TAF2: variants seen among roughly 807,000 people sequenced by gnomAD.
TAF2 encodes the protein transcription initiation factor TFIID subunit 2.
In TAF2, 61 loss-of-function variants were observed where a neutral mutation model predicts 138.5. The ratio of observed to expected loss-of-function variants is 0.44; its 90% CI spans 0.36 to 0.54. TAF2 has a LOEUF of 0.54. Ranked by LOEUF, TAF2 falls within the 20% of genes least tolerant of loss-of-function variation. TAF2 has a pLI of 0.00. For missense variants in TAF2, 1,090 were observed against 1,427.9 expected (o/e 0.76, Z 3.81); for synonymous variants, 475 against 469.9 (o/e 1.01, Z -0.14).
At position 119,810,637 on chromosome 8, in the gene TAF2, C is replaced by T. The variant is rs1013479980; in HGVS notation, c.300-4236G>A. On this transcript the variant is annotated intron_variant, in intron 3 of 25. Coordinates refer to ENST00000378164, the MANE Select transcript of TAF2 (RefSeq NM_003184.4). ...CTGAAAGTGCCAGTTGCTCCAAATC[C>T]TTGTCAGCACTTACTTAACACACCA... 5.9e-5 allele frequency among the ~76,000 whole-genome samples: 9 copies of T among 152,276 alleles called. No homozygotes were observed. The East Asian group carries it at 1.2e-3, about 20-fold the overall frequency.
chr8:119,808,083 G>A (rs1292507603), intron 3 of TAF2, among the ~76,000 whole-genome samples: 1 of 152,132 alleles, frequency 6.6e-6, no homozygotes, highest in Admixed American at 6.5e-5. Context: ...CTCTCTACCA[G>A]TTAGGAAGGA....
At chr8:119,744,485 CATAGG>C in intron 23 of TAF2, 92 bp from the exon 24 acceptor site, 2 of 995,676 alleles carry the variant, frequency 2.0e-6, no homozygotes, top group Non-Finnish European at 3.2e-6. Context: ...GCAGAGAGGC[CATAGG>C]ATATACCCCC....
intron 3 of TAF2, among the ~76,000 whole-genome samples, chr8:119,814,215 A>T (rs535745225): frequency 2.0e-5 from 3 of 152,140 alleles, no homozygotes; most frequent in African/African-American, 4.8e-5. Context: ...GTAAGGCTTC[A>T]TGTTGAAGTT....
chr8:119,774,906 A>G (rs1363212330), intron 18 of TAF2, among the ~76,000 whole-genome samples: 25 of 152,066 alleles, frequency 1.6e-4, no homozygotes, highest in Admixed American at 1.6e-3. Flanking sequence ...TTTTAATGCA[A>G]CATACATGGT....
chr8:119,821,064 A>G (rs1586540774), intron 2 of TAF2, among the ~76,000 whole-genome samples: 1 of 152,246 alleles, frequency 6.6e-6, no homozygotes, highest in Admixed American at 6.5e-5. Context: ...GTGGGACATA[A>G]GAACAGCATC....
intron 25 of TAF2, among the ~76,000 whole-genome samples, chr8:119,735,518 C>T (rs1301037756): frequency 6.6e-6 from 1 of 152,194 alleles, no homozygotes; most frequent in Non-Finnish European, 1.5e-5. Context: ...TATTTTAGAA[C>T]ACGTGAACAA....
At chr8:119,755,959 A>G in intron 22 of TAF2, 47 bp downstream of exon 22, 1 of 1,402,552 alleles carries the variant, frequency 7.1e-7, no homozygotes. Flanking sequence ...TGTAAAATCA[A>G]AATACTCTAG....
At chr8:119,810,006 A>AAAAC (rs1324086169) in intron 3 of TAF2, among the ~76,000 whole-genome samples, 5 of 151,612 alleles carry the variant, frequency 3.3e-5, no homozygotes, top group Admixed American at 2.6e-4. Context: ...TGTAAAAAAA[A>AAAAC]AAAAAAAAAA....
chr8:119,735,941 A>G (rs545181410), intron 25 of TAF2, among the ~76,000 whole-genome samples: 8 of 152,322 alleles, frequency 5.3e-5, no homozygotes, highest in East Asian at 1.9e-4. Context: ...TAATCATTCT[A>G]TATCAACAGA....
chr8:119,789,972 T>C (rs1184846886), intron 11 of TAF2, among the ~76,000 whole-genome samples: 2 of 152,072 alleles, frequency 1.3e-5, no homozygotes, highest in African/African-American at 2.4e-5. Flanking sequence ...ATGTTAATGA[T>C]GTACTGAATA....
chr8:119,759,452 T>C (rs1820912421), intron 20 of TAF2, among the ~76,000 whole-genome samples: 1 of 152,130 alleles, frequency 6.6e-6, no homozygotes, highest in Admixed American at 6.5e-5. Context: ...CCTTCCACAG[T>C]CAGATAAAAG....
At chr8:119,799,150 AATTT>A (rs1201820806) in intron 6 of TAF2, among the ~76,000 whole-genome samples, 1 of 134,060 alleles carries the variant, frequency 7.5e-6, no homozygotes, top group East Asian at 1.9e-4. Flanking sequence ...GATTTTTTAA[AATTT>A]TTTTATATTA....
chr8:119,814,321 A>G (rs915534161), intron 3 of TAF2, among the ~76,000 whole-genome samples: 9 of 152,244 alleles, frequency 5.9e-5, no homozygotes, highest in African/African-American at 2.2e-4. Context: ...GCTCAGTTAA[A>G]CTATTGCTAT....
intron 5 of TAF2, 130 bp from the exon 6 acceptor site, chr8:119,802,155 CT>C: frequency 1.3e-6 from 1 of 743,198 alleles, no homozygotes; most frequent in Non-Finnish European, 2.2e-6. Flanking sequence ...GCTACTGAAG[CT>C]TTTTACTGTA....
rs1453995240 is a variant in TAF2 at position 119,744,313 on chromosome 8, G to A, written c.3189C>T (p.Asn1063=). The part of the protein sequence containing the change: ...DSQAFISHHL[N]MLERPSTPGL... ...CTGGAGTTGACGGCCTTTCAAGCAT[G>A]TTTAAATGATGGGAAATGAAGGCCT... is the stretch of plus-strand genomic sequence containing the variant. Residue 1063 remains asparagine, a synonymous_variant, in exon 24 of 26, where the codon AAC becomes AAT. Transcript: ENST00000378164. 1 of 1,613,804 alleles carries A rather than the reference G, an allele frequency of 6.2e-7. No individual in the cohort carries two copies. The highest frequency in any genetic ancestry group is 8.5e-7 in the Non-Finnish European group (1 of 1,179,888).
intron 18 of TAF2, among the ~76,000 whole-genome samples, chr8:119,765,376 T>A (rs1009715536): frequency 1.5e-4 from 23 of 152,086 alleles, no homozygotes; most frequent in Non-Finnish European, 1.0e-4. Flanking sequence ...AAACAATGCA[T>A]CCTATCAGGA....
At chr8:119,782,319 AAAAATG>A (rs1370493691) in intron 16 of TAF2, among the ~76,000 whole-genome samples, 1 of 152,172 alleles carries the variant, frequency 6.6e-6, no homozygotes, top group Non-Finnish European at 1.5e-5. Context: ...TCATGCCCCA[AAAAATG>A]AAATTATGAT....
At chr8:119,830,141 A>G (rs1004764770) in intron 2 of TAF2, among the ~76,000 whole-genome samples, 2 of 150,786 alleles carry the variant, frequency 1.3e-5, no homozygotes, top group African/African-American at 2.4e-5. Context: ...CTCATGATCC[A>G]CCCGCCTCAG....
At chr8:119,745,482 T>C (rs1182297947) in intron 23 of TAF2, among the ~76,000 whole-genome samples, 4 of 152,118 alleles carry the variant, frequency 2.6e-5, no homozygotes, top group Admixed American at 1.3e-4. Flanking sequence ...ATAAGTATGA[T>C]GATACTTCAG....
Sources: allele counts gnomAD v4.1 joint callset (sites outside exome capture counted in the v4.1 genomes callset), GRCh38; gene constraint gnomAD v4.1.1; transcripts MANE v1.5; gene names NCBI Gene and HGNC (gene_info 2026-07-23, HGNC 2026-07-21).